The following CTCFL variants were observed in gnomAD, a reference collection of about 807,000 sequenced individuals.
CTCFL encodes the protein transcriptional repressor CTCFL.
Under a neutral mutation model 67.4 loss-of-function variants are expected in CTCFL, and 36 were observed. The observed-to-expected ratio is 0.53, with a 90% confidence interval of 0.41 to 0.71. The LOEUF is 0.71. Among genes scored for constraint, CTCFL ranks in the 30% least tolerant of loss-of-function variants. CTCFL has a pLI of 0.00. For missense variants in CTCFL, 786 were observed against 835.2 expected (o/e 0.94, Z 0.73); for synonymous variants, 324 against 302.3 (o/e 1.07, Z -0.75).
chr20:57,519,539 T>C (rs2069188582), intron 3 of CTCFL, among the ~76,000 whole-genome samples, 162 bp from the exon 4 acceptor site: 1 of 152,230 alleles, frequency 6.6e-6, no homozygotes. Context: ...GACACCATGT[T>C]CCTGGATAAT....
chr20:57,496,970 A>T (rs1318169764), downstream of CTCFL, among the ~76,000 whole-genome samples: 1 of 151,486 alleles, frequency 6.6e-6, no homozygotes, highest in Non-Finnish European at 1.5e-5. Flanking sequence ...GTATATCTGG[A>T]AGTGGGATTG....
rs371033221 is a variant in CTCFL, at chr20:57,498,534, G to A, written c.*16C>T. 49 of 1,603,410 alleles carry A rather than the reference G, an allele frequency of 3.1e-5. No homozygotes were observed. The highest frequency in any genetic ancestry group is 2.3e-4 in the African/African-American group (17 of 74,802). On this transcript the variant is annotated 3_prime_UTR_variant, in exon 11 of 11. Coordinates refer to ENST00000243914, the MANE Select transcript of CTCFL (RefSeq NM_001386993.1). Reference sequence around the variant, plus strand: ...TTTAGGAATTGGGGGCAGTGAACACGCAACCCGAATCCCTCTCACTTATCC... The same window carrying A: ...TTTAGGAATTGGGGGCAGTGAACACACAACCCGAATCCCTCTCACTTATCC...
chr20:57,498,575 A>G lies in CTCFL; in HGVS notation c.1967T>C (p.Met656Thr). 1 of 1,613,932 alleles carries G rather than the reference A, an allele frequency of 6.2e-7. No homozygotes were observed. Among genetic ancestry groups the G allele is most frequent in the Non-Finnish European group, 8.5e-7 (1 of 1,179,932 alleles). The change falls in exon 11 of 11, where the codon ATG becomes ACG. Residue 656 changes from methionine to threonine, a missense_variant. Physicochemically the swap from Met to Thr is moderately conservative, Grantham distance 81. This residue lies in a region of CTCFL where 199 missense variants were observed against 196.7 expected (regional missense o/e 1.01). Coordinates refer to ENST00000243914, the MANE Select transcript of CTCFL (RefSeq NM_001386993.1). The part of the protein sequence containing the change: ...EEVDEGVTCE[M>T]LLNTMDK ...TCACTTATCCATCGTGTTGAGGAGC[A>G]TTTCACAGGTCACGCCTTCATCCAC... is the stretch of plus-strand genomic sequence containing the variant.
At position 57,513,636 on chromosome 20, in the gene CTCFL, G is replaced by A. The variant is rs538663566; in HGVS notation, c.1331-884C>T. ...CAAGCCCCACTGGACTGTGTTTTGT[G>A]ATGTGCTGGTATCTACGGCAACAAT... On this transcript the variant is annotated intron_variant, in intron 7 of 10. Transcript: ENST00000243914. The A allele has an allele frequency of 2.9e-5, 34 of 1,175,268 alleles. No homozygotes were observed. In the African/African-American group the frequency reaches 5.3e-4, roughly 18 times the overall value. The allele number at this position is 1,175,268 out of a possible 1,614,324, so 72.8% of individuals were successfully genotyped here.
intron 5 of CTCFL, chr20:57,518,424 G>C (rs2069088952): frequency 8.0e-6 from 8 of 994,884 alleles, no homozygotes; most frequent in East Asian, 5.9e-5. Context: ...TTCTACGTTA[G>C]AGCAAATACA....
At chr20:57,506,956 C>T in intron 9 of CTCFL, 5 of 984,798 alleles carry the variant, frequency 5.1e-6, no homozygotes, top group Non-Finnish European at 6.0e-6. Flanking sequence ...CACAACTACA[C>T]TACTGTTTTA....
At chr20:57,516,369 C>T (rs2068924909) in intron 5 of CTCFL, among the ~76,000 whole-genome samples, 1 of 152,038 alleles carries the variant, frequency 6.6e-6, no homozygotes, top group Admixed American at 6.6e-5. Context: ...AAAACCCTGT[C>T]TCCACCAAAA....
rs2068647047 is a variant in CTCFL at position 57,512,766 on chromosome 20, A to G, written c.1331-14T>C. 2 of 1,613,118 alleles carry G rather than the reference A, an allele frequency of 1.2e-6. No individual in the cohort carries two copies. The highest frequency in any genetic ancestry group is 1.7e-6 in the Non-Finnish European group (2 of 1,179,174). On this transcript the variant is annotated splice_polypyrimidine_tract_variant and intron_variant, in intron 7 of 10. Transcript: ENST00000243914. ...GCATATGCACACCTAAAATGGTCAC[A>G]GAACATTATATACTTCAAGAGTGTT... is the stretch of plus-strand genomic sequence containing the variant.
intron 10 of CTCFL, 87 bp downstream of exon 10, chr20:57,503,349 C>G: frequency 6.7e-7 from 1 of 1,496,672 alleles, no homozygotes; most frequent in African/African-American, 1.4e-5. Context: ...CTGGACACAT[C>G]CCCTGGACAG....
At chr20:57,523,349 C>CT in intron 2 of CTCFL, 71 bp from the exon 3 acceptor site, 1 of 1,392,372 alleles carries the variant, frequency 7.2e-7, no homozygotes. Flanking sequence ...CTGGATGAAG[C>CT]ACAGAATACA....
At chr20:57,519,536 T>C (rs968869107) in intron 3 of CTCFL, among the ~76,000 whole-genome samples, 159 bp from the exon 4 acceptor site, 7 of 152,236 alleles carry the variant, frequency 4.6e-5, no homozygotes, top group Non-Finnish European at 1.0e-4. Flanking sequence ...CAGGACACCA[T>C]GTTCCTGGAT....
At chr20:57,511,430 A>G (rs780708369) in intron 8 of CTCFL, among the ~76,000 whole-genome samples, 2 of 152,136 alleles carry the variant, frequency 1.3e-5, no homozygotes, top group Non-Finnish European at 2.9e-5. Context: ...CTCTTGGTCT[A>G]TCTTTTACTT....
chr20:57,498,544 TCCCTCTCACTTATCCATCG>T lies in CTCFL; in HGVS notation c.1979_*5del, dbSNP rs2067762800. ...GGGGGCAGTGAACACGCAACCCGAATCCCTCTCACTTATCCATCGTGTTGAGGAGCATTTCACAGGTCAC... is the reference window on the plus strand; with the variant it reads ...GGGGGCAGTGAACACGCAACCCGAATTGTTGAGGAGCATTTCACAGGTCAC... On this transcript the variant is annotated stop_lost and 3_prime_UTR_variant, in exon 11 of 11. Coordinates refer to ENST00000243914, the MANE Select transcript of CTCFL (RefSeq NM_001386993.1). 6.2e-7 allele frequency: 1 copy of T among 1,609,040 alleles called. No homozygotes were observed. Among genetic ancestry groups the T allele is most frequent in the Non-Finnish European group, 8.5e-7 (1 of 1,177,312 alleles).
rs749570710 is a variant in CTCFL at position 57,508,785 on chromosome 20, G to T, written c.1495C>A (p.Arg499Ser). The change falls in exon 9 of 11, where the codon CGT becomes AGT. Residue 499 changes from arginine (R) to serine (S), a missense_variant. Around this residue, in one of 3 missense-constraint regions of CTCFL, gnomAD observed 254 missense variants for 333.9 expected, o/e 0.76. Coordinates refer to ENST00000243914, the MANE Select transcript of CTCFL (RefSeq NM_001386993.1). The stretch of plus-strand genomic sequence containing the variant: ...GTACGAATGTGAGCGGTCATATGAC[G>T]TTCCTAAGAGGGAAGGGGAAGAAAG... ...KHCSYACKQE[R>S]HMTAHIRTHT... 1 of 1,613,566 alleles carries T rather than the reference G, an allele frequency of 6.2e-7. No individual in the cohort carries two copies. Among genetic ancestry groups the T allele is most frequent in the East Asian group, 2.2e-5 (1 of 44,884 alleles).
intron 7 of CTCFL, chr20:57,514,022 G>GGAGA: frequency 1.8e-5 from 11 of 612,398 alleles, no homozygotes; most frequent in Non-Finnish European, 2.4e-5. Context: ...CCACTCTGTG[G>GGAGA]GGTGTGACAG....
chr20:57,515,916 A>T, intron 5 of CTCFL, 82 bp from the exon 6 acceptor site: 1 of 1,426,982 alleles, frequency 7.0e-7, no homozygotes, highest in Non-Finnish European at 9.5e-7. Context: ...TGTAAAAGAG[A>T]TTTAAATTAA....
downstream of CTCFL, chr20:57,497,115 C>G: frequency 2.3e-6 from 1 of 443,672 alleles, no homozygotes; most frequent in Non-Finnish European, 3.0e-6. Flanking sequence ...TCCACATTCT[C>G]TCCAGACAAA....
Position 57,508,592 on chromosome 20 carries a change from TTAAG to T in CTCFL, c.1674+10_1674+13del, listed in dbSNP as rs753717262. ...CTTTCCATGGGGGATTTACTGTGAC[TTAAG>T]TAAGCTTACCCAGCGGGAAAAGCCT... On this transcript the variant is annotated intron_variant, in intron 9 of 10. Transcript: ENST00000243914. 7.4e-6 allele frequency: 12 copies of T among 1,612,934 alleles called. No homozygotes were observed. In the South Asian group the frequency reaches 1.2e-4, roughly 16 times the overall value.
intron 5 of CTCFL, 32 bp from the exon 6 acceptor site, chr20:57,515,866 T>A: frequency 1.9e-6 from 3 of 1,583,936 alleles, no homozygotes; most frequent in Admixed American, 1.9e-5. Context: ...TTCGTTGCAA[T>A]AGAAACTAAA....
Sources: gnomAD v4.1 joint callset for allele counts (sites outside exome capture counted in the v4.1 genomes callset) on GRCh38, gnomAD v4.1.1 for gene constraint, gnomAD v4.1.1 regional missense constraint, MANE v1.5 for transcripts, NCBI Gene and HGNC (gene_info 2026-07-23, HGNC 2026-07-21) for gene names.